Variants in PTPN4 observed in about 807,000 individuals in gnomAD.
PTPN4 encodes the protein protein tyrosine phosphatase non-receptor type 4, also known as tyrosine-protein phosphatase non-receptor type 4.
In PTPN4, 49 loss-of-function variants were observed where a neutral mutation model predicts 135.5. The ratio of observed to expected loss-of-function variants is 0.36; its 90% CI spans 0.29 to 0.46. The LOEUF is 0.46. PTPN4 is among the 20% of genes least tolerant of loss of function. The pLI, the probability that PTPN4 is intolerant of heterozygous loss-of-function variation, is 1.00. For missense variants in PTPN4, 860 were observed against 1,101.0 expected (o/e 0.78, Z 3.10); for synonymous variants, 333 against 369.9 (o/e 0.90, Z 1.14).
chr2:119,948,537 A>T (rs1177485702), intron 18 of PTPN4, among the ~76,000 whole-genome samples: 1 of 152,218 alleles, frequency 6.6e-6, no homozygotes, highest in African/African-American at 2.4e-5. Flanking sequence ...AACAAAGAGT[A>T]CTTACACAGG....
At chr2:119,794,922 C>T (rs1296337924) in intron 1 of PTPN4, among the ~76,000 whole-genome samples, 1 of 152,228 alleles carries the variant, frequency 6.6e-6, no homozygotes, top group Non-Finnish European at 1.5e-5. Flanking sequence ...TGGGCAGCTC[C>T]TCTCTGTAGT....
chr2:119,873,356 G>T (rs553324362), intron 3 of PTPN4, among the ~76,000 whole-genome samples: 1 of 152,244 alleles, frequency 6.6e-6, no homozygotes, highest in South Asian at 2.1e-4. Flanking sequence ...TTGTCACATA[G>T]AAGTGCACCT....
At chr2:119,937,954 A>G (rs1679008073) in intron 15 of PTPN4, among the ~76,000 whole-genome samples, 1 of 151,484 alleles carries the variant, frequency 6.6e-6, no homozygotes, top group South Asian at 2.1e-4. Flanking sequence ...TAAAAACCAA[A>G]ACCAAAAAAA....
intron 11 of PTPN4, among the ~76,000 whole-genome samples, chr2:119,916,879 T>G (rs1021313820): frequency 5.3e-5 from 8 of 152,248 alleles, no homozygotes; most frequent in Non-Finnish European, 8.8e-5. Context: ...TCTGAATGAC[T>G]ATGCCATAAA....
intron 15 of PTPN4, among the ~76,000 whole-genome samples, chr2:119,939,832 A>G (rs1051880664): frequency 1.3e-5 from 2 of 152,144 alleles, no homozygotes; most frequent in South Asian, 2.1e-4. Flanking sequence ...GTCTAGCAAT[A>G]TATTGTGAAC....
intron 1 of PTPN4, among the ~76,000 whole-genome samples, chr2:119,801,234 T>C (rs886306748): frequency 1.3e-5 from 2 of 152,096 alleles, no homozygotes; most frequent in African/African-American, 4.8e-5. Context: ...ATTACAAACA[T>C]GCATCACCAC....
rs953143140 is a variant in PTPN4 at position 119,832,244 on chromosome 2, T to G, written c.138+22253T>G. 3.9e-5 allele frequency among the ~76,000 whole-genome samples: 6 copies of G among 152,186 alleles called. No homozygotes were observed. The East Asian group carries it at 1.2e-3, about 29-fold the overall frequency. On this transcript the variant is annotated intron_variant, in intron 2 of 26. Coordinates refer to ENST00000263708, the MANE Select transcript of PTPN4 (RefSeq NM_002830.4). ...TTTGCTTTGGATCTTTGTTTCTACT[T>G]TTTTTCCATGCTAGCTCAGTAACAG...
intron 2 of PTPN4, among the ~76,000 whole-genome samples, chr2:119,851,602 GCTTT>G (rs1199999259): frequency 6.6e-6 from 1 of 152,156 alleles, no homozygotes; most frequent in African/African-American, 2.4e-5. Context: ...CCCATCTGAG[GCTTT>G]CTTCCCTTTT....
At chr2:119,835,042 C>T (rs1277992881) in intron 2 of PTPN4, among the ~76,000 whole-genome samples, 4 of 152,108 alleles carry the variant, frequency 2.6e-5, no homozygotes, top group Non-Finnish European at 4.4e-5. Context: ...ATTTGGAGTA[C>T]TGTATTGTTT....
intron 2 of PTPN4, among the ~76,000 whole-genome samples, chr2:119,819,338 G>T (rs1677033473): frequency 6.6e-6 from 1 of 152,110 alleles, no homozygotes; most frequent in African/African-American, 2.4e-5. Flanking sequence ...ATAGATGCTT[G>T]TAACAGGAGA....
chr2:119,925,657 A>G (rs541669400), intron 12 of PTPN4, among the ~76,000 whole-genome samples: 2 of 152,318 alleles, frequency 1.3e-5, no homozygotes, highest in South Asian at 4.1e-4. Context: ...TGCACTAAAT[A>G]AACTTTTTTT....
intron 23 of PTPN4, among the ~76,000 whole-genome samples, 165 bp downstream of exon 23, chr2:119,961,118 TA>T (rs1168571034): frequency 6.6e-6 from 1 of 152,250 alleles, no homozygotes; most frequent in African/African-American, 2.4e-5. Flanking sequence ...AAACTGTGAC[TA>T]ACACATAAAT....
At chr2:119,962,817 A>G in intron 24 of PTPN4, 73 bp downstream of exon 24, 1 of 1,241,060 alleles carries the variant, frequency 8.1e-7, no homozygotes, top group Non-Finnish European at 1.1e-6. Flanking sequence ...AAATGTTTTT[A>G]GTTTGAGTAT....
At chr2:119,830,485 A>C (rs540577977) in intron 2 of PTPN4, among the ~76,000 whole-genome samples, 3 of 151,126 alleles carry the variant, frequency 2.0e-5, no homozygotes, top group Admixed American at 6.6e-5. Flanking sequence ...CTCTCTCTCT[A>C]TTTTTTGAGA....
At chr2:119,900,674 C>T (rs370272876) in intron 9 of PTPN4, 44 bp from the exon 10 acceptor site, 8 of 1,164,154 alleles carry the variant, frequency 6.9e-6, no homozygotes, top group Non-Finnish European at 9.7e-6. Flanking sequence ...CTAACAAAGC[C>T]CATAAATTTA....
At position 119,805,889 on chromosome 2, in the gene PTPN4, G is replaced by A. The variant is rs550186587; in HGVS notation, c.-17-3948G>A. Among the ~76,000 whole-genome samples the A allele has an allele frequency of 7.2e-5, 11 of 152,206 alleles. No individual in the cohort carries two copies. The East Asian group carries it at 1.7e-3, about 24-fold the overall frequency. On this transcript the variant is annotated intron_variant, in intron 1 of 26. Coordinates refer to ENST00000263708, the MANE Select transcript of PTPN4 (RefSeq NM_002830.4). ...CCTTGGGCAGTATGGCCATTTTCAC[G>A]ATACTCCTTCTTCCTATCCATGAGC...
intron 8 of PTPN4, among the ~76,000 whole-genome samples, chr2:119,883,513 A>T (rs1574386527): frequency 6.6e-6 from 1 of 152,278 alleles, no homozygotes; most frequent in East Asian, 1.9e-4. Context: ...CCTTGAATAG[A>T]AAGTAATATT....
intron 2 of PTPN4, among the ~76,000 whole-genome samples, chr2:119,839,946 A>G (rs1677355987): frequency 6.6e-6 from 1 of 152,180 alleles, no homozygotes; most frequent in Non-Finnish European, 1.5e-5. Flanking sequence ...TGAGGGGAAA[A>G]CAGGAAGGCC....
At chr2:119,878,001 G>C (rs1224439204) in intron 5 of PTPN4, among the ~76,000 whole-genome samples, 1 of 151,838 alleles carries the variant, frequency 6.6e-6, no homozygotes, top group Non-Finnish European at 1.5e-5. Flanking sequence ...GGTACCTTTT[G>C]TCCCCTATGT....
Sources: allele counts gnomAD v4.1 joint callset (sites outside exome capture counted in the v4.1 genomes callset), GRCh38; gene constraint gnomAD v4.1.1; transcripts MANE v1.5; gene names NCBI Gene and HGNC (gene_info 2026-07-23, HGNC 2026-07-21).